The following CNTN5 variants were observed in gnomAD, a reference collection of about 807,000 sequenced individuals.
CNTN5 encodes the protein contactin-5.
Under a neutral mutation model 129.1 loss-of-function variants are expected in CNTN5, and 77 were observed. That is an observed-to-expected ratio of 0.60 (90% CI 0.50 to 0.72). The LOEUF is 0.72. CNTN5 is among the 30% of genes least tolerant of loss of function. CNTN5 has a pLI of 0.00. For synonymous variants in CNTN5, 509 were observed against 465.6 expected, an observed-to-expected ratio of 1.09 and a Z score of -1.20; for missense variants, 1,478 against 1,328.8, an observed-to-expected ratio of 1.11 and a Z score of -1.75.
intron 13 of CNTN5, among the ~76,000 whole-genome samples, chr11:100,187,618 T>C (rs1948341440): frequency 6.6e-6 from 1 of 151,958 alleles, no homozygotes; most frequent in Non-Finnish European, 1.5e-5. Context: ...TGGGACTGAA[T>C]AGAGAAACCA....
At chr11:99,563,966 T>C (rs1365578685) in intron 3 of CNTN5, among the ~76,000 whole-genome samples, 1 of 152,226 alleles carries the variant, frequency 6.6e-6, no homozygotes, top group Non-Finnish European at 1.5e-5. Context: ...AAAAGCACAT[T>C]ATACAGAGAG....
chr11:99,886,920 G>A (rs371170305), intron 6 of CNTN5, among the ~76,000 whole-genome samples: 22 of 152,088 alleles, frequency 1.4e-4, no homozygotes, highest in Middle Eastern at 3.4e-3. Context: ...ATCTATAAGC[G>A]CTTATCTCAA....
At chr11:99,417,572 T>A (rs1463983115) in intron 2 of CNTN5, among the ~76,000 whole-genome samples, 1 of 152,038 alleles carries the variant, frequency 6.6e-6, no homozygotes, top group Non-Finnish European at 1.5e-5. Flanking sequence ...TTGTGTTGAG[T>A]TGAAGTGCTC....
intron 15 of CNTN5, among the ~76,000 whole-genome samples, chr11:100,204,319 T>TATAC (rs1375531721): frequency 2.9e-5 from 3 of 102,480 alleles, no homozygotes; most frequent in Non-Finnish European, 4.2e-5. Context: ...TATATATATA[T>TATAC]ATATATATAT....
intron 1 of CNTN5, among the ~76,000 whole-genome samples, chr11:99,264,586 G>A (rs1218332613): frequency 2.0e-5 from 3 of 152,044 alleles, no homozygotes; most frequent in African/African-American, 4.8e-5. Flanking sequence ...ACATGAAGAT[G>A]ATAGATTTTA....
At chr11:99,942,029 T>C (rs1421570898) in intron 7 of CNTN5, among the ~76,000 whole-genome samples, 2 of 152,114 alleles carry the variant, frequency 1.3e-5, no homozygotes, top group East Asian at 1.9e-4. Context: ...CTGGATACTC[T>C]AGTGAGTTGA....
chr11:99,718,683 C>A (rs1943066548), intron 3 of CNTN5, among the ~76,000 whole-genome samples: 1 of 151,992 alleles, frequency 6.6e-6, no homozygotes, highest in South Asian at 2.1e-4. Flanking sequence ...GCATCAAATG[C>A]TATAGTTAGC....
intron 6 of CNTN5, among the ~76,000 whole-genome samples, chr11:99,870,064 A>G (rs17134565): frequency 0.019 from 2,964 of 152,244 alleles, 104 homozygotes; most frequent in African/African-American, 0.066. Flanking sequence ...TGATTTTGCT[A>G]GTGGAACTGG....
chr11:99,156,051 A>G (rs942590134), intron 1 of CNTN5, among the ~76,000 whole-genome samples: 1 of 152,078 alleles, frequency 6.6e-6, no homozygotes, highest in Non-Finnish European at 1.5e-5. Flanking sequence ...TAACCAAAAA[A>G]CAACCCCAAA....
intron 2 of CNTN5, among the ~76,000 whole-genome samples, chr11:99,506,826 A>G (rs1020583444): frequency 6.6e-6 from 1 of 152,206 alleles, no homozygotes; most frequent in Admixed American, 6.5e-5. Flanking sequence ...TGTTATAGTA[A>G]AAAATATCAA....
chr11:100,219,160 A>T (rs1193791497), intron 15 of CNTN5, among the ~76,000 whole-genome samples: 1 of 152,190 alleles, frequency 6.6e-6, no homozygotes, highest in South Asian at 2.1e-4. Flanking sequence ...AGATGTAGGT[A>T]TGAGGAAAGC....
At chr11:100,257,720 A>G (rs1472496022) in intron 17 of CNTN5, among the ~76,000 whole-genome samples, 1 of 151,990 alleles carries the variant, frequency 6.6e-6, no homozygotes, top group Non-Finnish European at 1.5e-5. Flanking sequence ...AGGAAAACTA[A>G]CAAACAGAAA....
intron 1 of CNTN5, among the ~76,000 whole-genome samples, chr11:99,185,359 A>C (rs1466107905): frequency 6.6e-6 from 1 of 151,834 alleles, no homozygotes; most frequent in Non-Finnish European, 1.5e-5. Flanking sequence ...AAAACACCTA[A>C]AATTAAACTT....
At chr11:99,515,167 A>G (rs1241154881) in intron 2 of CNTN5, among the ~76,000 whole-genome samples, 1 of 152,078 alleles carries the variant, frequency 6.6e-6, no homozygotes, top group Non-Finnish European at 1.5e-5. Flanking sequence ...ATATTTGTTG[A>G]AGAAATTATG....
intron 2 of CNTN5, among the ~76,000 whole-genome samples, chr11:99,547,655 CCTT>C (rs1948344715): frequency 6.6e-6 from 1 of 152,160 alleles, no homozygotes; most frequent in Non-Finnish European, 1.5e-5. Flanking sequence ...GCATTATCCT[CCTT>C]CTGAGTAATA....
rs190492595 is a variant in CNTN5, at chr11:99,501,026, G to A, written c.-70-55119G>A. Among the ~76,000 whole-genome samples the A allele has an allele frequency of 5.3e-5, 8 of 152,206 alleles. No individual in the cohort carries two copies. The East Asian group carries it at 1.2e-3, about 22-fold the overall frequency. On this transcript the variant is annotated intron_variant, in intron 2 of 24. Transcript: ENST00000524871. ...ATATATGCACCATGCATACATACGT[G>A]TATTTGTATATATTCTCTGTTTTGT...
chr11:99,519,664 C>G (rs547835444), intron 2 of CNTN5, among the ~76,000 whole-genome samples: 3 of 151,984 alleles, frequency 2.0e-5, no homozygotes, highest in Non-Finnish European at 2.9e-5. Flanking sequence ...AGATAATGCT[C>G]AGTTTTAATC....
intron 6 of CNTN5, among the ~76,000 whole-genome samples, chr11:99,905,963 A>G (rs1949493139): frequency 1.3e-5 from 2 of 152,138 alleles, no homozygotes; most frequent in Admixed American, 1.3e-4. Flanking sequence ...GTGTATAGGA[A>G]TGCTTGTGAT....
At chr11:99,233,320 A>G (rs1200899705) in intron 1 of CNTN5, among the ~76,000 whole-genome samples, 4 of 152,346 alleles carry the variant, frequency 2.6e-5, no homozygotes, top group Middle Eastern at 3.4e-3. Flanking sequence ...TGAAAATCCC[A>G]TAACAAGGGA....
Sources: allele counts gnomAD v4.1 joint callset (sites outside exome capture counted in the v4.1 genomes callset), GRCh38; gene constraint gnomAD v4.1.1; transcripts MANE v1.5; gene names NCBI Gene and HGNC (gene_info 2026-07-23, HGNC 2026-07-21).